NCAM1: variants seen among roughly 807,000 people sequenced by gnomAD.
NCAM1 encodes the protein neural cell adhesion molecule 1.
NCAM1 carries 14 observed loss-of-function variants against 109.8 expected under a neutral mutation model. The observed-to-expected ratio is 0.13, with a 90% CI of 0.08 to 0.20. NCAM1 has a LOEUF of 0.20. NCAM1 is among the 10% of genes least tolerant of loss of function. NCAM1 has a pLI of 1.00. For missense variants in NCAM1, 774 were observed against 1,109.9 expected, an observed-to-expected ratio of 0.70 and a Z score of 4.30; for synonymous variants, 418 against 442.9, an observed-to-expected ratio of 0.94 and a Z score of 0.70.
chr11:112,976,002 G>A (rs1392955497), intron 1 of NCAM1, among the ~76,000 whole-genome samples: 1 of 151,878 alleles, frequency 6.6e-6, no homozygotes, highest in African/African-American at 2.4e-5. Context: ...GATATTCACA[G>A]TAGATACTTT....
intron 17 of NCAM1, chr11:113,263,304 C>G: frequency 9.9e-7 from 1 of 1,013,886 alleles, no homozygotes; most frequent in Admixed American, 5.3e-5. Flanking sequence ...TAAGTACCTT[C>G]TAAAGCTTGT....
intron 1 of NCAM1, among the ~76,000 whole-genome samples, chr11:113,077,620 C>A (rs1938587007): frequency 6.6e-6 from 1 of 152,068 alleles, no homozygotes; most frequent in South Asian, 2.1e-4. Flanking sequence ...TTTTCCTTAT[C>A]TCATCCAACA....
intron 1 of NCAM1, among the ~76,000 whole-genome samples, chr11:113,007,027 A>G (rs1357092525): frequency 6.6e-6 from 1 of 152,236 alleles, no homozygotes; most frequent in Non-Finnish European, 1.5e-5. Context: ...CACATTTTTA[A>G]GAGTACAGAA....
intron 1 of NCAM1, among the ~76,000 whole-genome samples, chr11:112,969,970 T>C (rs894779134): frequency 6.6e-5 from 10 of 152,006 alleles, no homozygotes; most frequent in Non-Finnish European, 8.8e-5. Flanking sequence ...AGTTTTAATG[T>C]CTGGGGGAAA....
chr11:113,076,169 C>T lies in NCAM1; in HGVS notation c.52+114505C>T, dbSNP rs1427920664. ...CGTCACCAAACTCAGTGTCCCTGGT[C>T]AGAAGGCCCCACACACAGAGGGAAT... On this transcript the variant is annotated intron_variant, in intron 1 of 19. Transcript: ENST00000316851. 9.0e-5 allele frequency among the ~76,000 whole-genome samples: 4 copies of T among 44,556 alleles called. No individual in the cohort carries two copies. In the African/African-American group the frequency reaches 1.1e-3, roughly 12 times the overall value. The allele number at this position is 44,556 out of a possible 152,430, so 29.2% of individuals were successfully genotyped here. A position where few individuals can be genotyped will look rare whatever the true frequency, so the allele number is the denominator to read the frequency against.
chr11:113,274,239 C>A lies in NCAM1; in HGVS notation c.2457-1028C>A, dbSNP rs1156719199. The stretch of plus-strand genomic sequence containing the variant: ...CCTCACACTGTGGCTCAGATGCTCA[C>A]CCTCCCCTCCCAACCCCGGCCCCCA... On this transcript the variant is annotated intron_variant, in intron 19 of 19. Coordinates refer to ENST00000316851, the MANE Select transcript of NCAM1 (RefSeq NM_181351.5). The surrounding 1 kb of genome is among the most constrained non-coding windows in gnomAD (Gnocchi z 4.1). Among the ~76,000 whole-genome samples the A allele has an allele frequency of 1.3e-4, 20 of 152,310 alleles. No homozygotes were observed. The highest frequency in any genetic ancestry group is 4.8e-4 in the African/African-American group (20 of 41,572).
chr11:113,137,334 A>G (rs1413671339), intron 1 of NCAM1, among the ~76,000 whole-genome samples: 1 of 152,240 alleles, frequency 6.6e-6, no homozygotes, highest in Non-Finnish European at 1.5e-5. Flanking sequence ...CCTGGTAGTA[A>G]GTTATTTAAA....
At chr11:112,993,292 A>T (rs782121587) in intron 1 of NCAM1, among the ~76,000 whole-genome samples, 1 of 152,078 alleles carries the variant, frequency 6.6e-6, no homozygotes, top group Non-Finnish European at 1.5e-5. Flanking sequence ...CACATGGGGA[A>T]AGTAGGAGCA....
chr11:113,086,185 G>A (rs782255819), intron 1 of NCAM1, among the ~76,000 whole-genome samples: 106 of 152,314 alleles, frequency 7.0e-4, no homozygotes, highest in Non-Finnish European at 1.2e-3. Context: ...TGGAAGGCAA[G>A]TTGAAGGAGG....
At chr11:113,220,399 C>G (rs1944651523) in intron 8 of NCAM1, among the ~76,000 whole-genome samples, 1 of 152,120 alleles carries the variant, frequency 6.6e-6, no homozygotes. Flanking sequence ...TTCCTGACTC[C>G]TGGTCTCAAG....
In NCAM1 at chr11:113,231,412, T is replaced by C. The variant is rs781962812; in HGVS notation, c.1090-233T>C. 214 of 1,054,176 alleles carry C rather than the reference T, an allele frequency of 2.0e-4. No homozygotes were observed. The Middle Eastern group carries it at 2.1e-3, about 10-fold the overall frequency. 65.3% of individuals were successfully genotyped at this position (1,054,176 alleles called of 1,614,324 possible). On this transcript the variant is annotated intron_variant, in intron 9 of 19. Coordinates refer to ENST00000316851, the MANE Select transcript of NCAM1 (RefSeq NM_181351.5). ...CTTAGATCAGGCTGCCTGACATAACTGAGTCTCATTTTCTGTTTCGGATAC... is the reference window on the plus strand; with the variant it reads ...CTTAGATCAGGCTGCCTGACATAACCGAGTCTCATTTTCTGTTTCGGATAC...
intron 1 of NCAM1, among the ~76,000 whole-genome samples, chr11:113,033,215 A>T (rs1952773152): frequency 6.6e-6 from 1 of 152,206 alleles, no homozygotes; most frequent in Non-Finnish European, 1.5e-5. Context: ...TTCATGTGTG[A>T]TAGTAATGTT....
At chr11:113,072,948 A>G (rs1203631774) in intron 1 of NCAM1, among the ~76,000 whole-genome samples, 1 of 151,884 alleles carries the variant, frequency 6.6e-6, no homozygotes, top group East Asian at 1.9e-4. Context: ...TCCCATCACT[A>G]CCATCCATCT....
rs1289505843 is a variant in NCAM1, at chr11:113,155,948, A to C, written c.53-46431A>C. Among the ~76,000 whole-genome samples the C allele has an allele frequency of 2.6e-5, 4 of 152,238 alleles. No homozygotes were observed. In the East Asian group the frequency reaches 7.7e-4, roughly 29 times the overall value. ...TCTCCACATTCATGATCAGAGTCAC[A>C]CTGTGACAAAGGTGTGCACAAAAGA... On this transcript the variant is annotated intron_variant, in intron 1 of 19. Transcript: ENST00000316851.
chr11:113,007,182 G>A (rs1951913657), intron 1 of NCAM1, among the ~76,000 whole-genome samples: 1 of 152,086 alleles, frequency 6.6e-6, no homozygotes, highest in South Asian at 2.1e-4. Context: ...TGTAAGATCT[G>A]TCTGTATCCT....
intron 15 of NCAM1, among the ~76,000 whole-genome samples, chr11:113,247,353 AC>A (rs1945526655): frequency 6.6e-6 from 1 of 151,872 alleles, no homozygotes; most frequent in Non-Finnish European, 1.5e-5. Context: ...AACTCCAATA[AC>A]CCCCTGGTGT....
intron 1 of NCAM1, among the ~76,000 whole-genome samples, chr11:113,057,736 A>C (rs1265702977): frequency 1.3e-5 from 2 of 152,226 alleles, no homozygotes; most frequent in Non-Finnish European, 2.9e-5. Context: ...GGCAGATCTT[A>C]CAAATTAAAT....
intron 1 of NCAM1, among the ~76,000 whole-genome samples, chr11:113,084,838 T>A (rs1939005558): frequency 6.6e-6 from 1 of 152,230 alleles, no homozygotes; most frequent in South Asian, 2.1e-4. Context: ...GCAAAAGTGT[T>A]AACTACCCAG....
At chr11:113,171,351 C>A (rs1300169766) in intron 1 of NCAM1, among the ~76,000 whole-genome samples, 1 of 152,040 alleles carries the variant, frequency 6.6e-6, no homozygotes, top group African/African-American at 2.4e-5. Context: ...GGATAACTTT[C>A]CTGGGCATGG....
Sources: allele counts gnomAD v4.1 joint callset (sites outside exome capture counted in the v4.1 genomes callset), GRCh38; gene constraint gnomAD v4.1.1; non-coding constraint Gnocchi (gnomAD v3.1); transcripts MANE v1.5; gene names NCBI Gene and HGNC (gene_info 2026-07-23, HGNC 2026-07-21).